SF3A2: variants seen among roughly 807,000 people sequenced by gnomAD.
The protein encoded by SF3A2 is SAP 62.
A neutral mutation model predicts 31.1 loss-of-function variants in SF3A2; 5 were observed. The ratio of observed to expected loss-of-function variants is 0.16; its 90% CI spans 0.08 to 0.34. SF3A2 has a LOEUF of 0.34. Ranked by LOEUF, SF3A2 falls within the 10% of genes least tolerant of loss-of-function variation. The probability of loss-of-function intolerance (pLI) is 1.00; values close to 1 mark genes in which losing one functional copy is unlikely to be tolerated. For missense variants in SF3A2, 577 were observed against 643.9 expected (o/e 0.90, Z 1.13); for synonymous variants, 365 against 263.7 (o/e 1.38, Z -3.72).
Position 2,248,252 on chromosome 19 carries a change from C to T in SF3A2, c.1101C>T (p.Pro367=). 2 of 1,416,288 alleles carry T rather than the reference C, an allele frequency of 1.4e-6. No homozygotes were observed. The highest frequency in any genetic ancestry group is 1.8e-6 in the Non-Finnish European group (2 of 1,082,324). The allele number at this position is 1,416,288 out of a possible 1,614,324, so 87.7% of individuals were successfully genotyped here. Residue 367 remains proline, a synonymous_variant, in exon 9 of 9, where the codon CCC becomes CCT. Transcript: ENST00000221494. ...VHPPAPGVHP[P]PSAGVHPQAP... is the part of the protein sequence containing the mutation. ...CACCAGCCCCAGGGGTCCATCCTCC[C>T]CCATCAGCGGGGGTTCACCCCCAGG...
rs1263745073 is a variant in SF3A2 at position 2,245,557 on chromosome 19, T to C, written c.355+2T>C. 5.2e-6 allele frequency: 8 copies of C among 1,547,316 alleles called. No individual in the cohort carries two copies. In the South Asian group the frequency reaches 9.5e-5, roughly 18 times the overall value. On this transcript the variant is annotated splice_donor_variant, in intron 5 of 8. Transcript: ENST00000221494. LOFTEE classifies it high-confidence loss of function. This position sits in a 1 kb window ranked among gnomAD's most constrained non-coding sequence, Gnocchi z 4.2. ...AGATCGGCCGCCCGGGCTACAAAGG[T>C]GAGTCTGCCCGCAGCGGGGCCGGCC...
rs917620521 is a variant in SF3A2 at position 2,236,877 on chromosome 19, G to C, written c.-62G>C. On this transcript the variant is annotated 5_prime_UTR_variant, in exon 1 of 9. Coordinates refer to ENST00000221494, the MANE Select transcript of SF3A2 (RefSeq NM_007165.5). ...AGTCGTGGAGGTGGCGAAACGAGGA[G>C]GAGATAACGCGGCCTTGGGCTCTGG... The C allele has an allele frequency of 3.3e-5, 5 of 152,308 alleles. No homozygotes were observed. Among genetic ancestry groups the C allele is most frequent in the African/African-American group, 1.2e-4 (5 of 41,426 alleles). 9.4% of individuals were successfully genotyped at this position (152,308 alleles called of 1,614,324 possible).
At position 2,246,784 on chromosome 19, in the gene SF3A2, G is replaced by A. The variant is rs954179091; in HGVS notation, c.387G>A (p.Gln129=). Residue 129 remains glutamine, a synonymous_variant, in exon 6 of 9, where the codon CAG becomes CAA. Transcript: ENST00000221494. This position sits in a 1 kb window ranked among gnomAD's most constrained non-coding sequence, Gnocchi z 5.5. ...VTKQRDSEMG[Q]QSLLFQIDYP... Reference sequence around the variant, plus strand: ...AGCAGAGAGACTCGGAGATGGGCCAGCAGAGCCTCCTCTTCCAGGTGAGAT... The same window carrying A: ...AGCAGAGAGACTCGGAGATGGGCCAACAGAGCCTCCTCTTCCAGGTGAGAT... The A allele has an allele frequency of 1.2e-6, 2 of 1,613,870 alleles. No individual in the cohort carries two copies. Among genetic ancestry groups the A allele is most frequent in the African/African-American group, 2.7e-5 (2 of 74,928 alleles).
Position 2,246,709 on chromosome 19 carries a change from G to A in SF3A2, c.356-44G>A, listed in dbSNP as rs764550512. The A allele has an allele frequency of 1.4e-5, 22 of 1,612,736 alleles. No homozygotes were observed. Among genetic ancestry groups the A allele is most frequent in the Admixed American group, 6.7e-5 (4 of 59,900 alleles). ...AGCCTGCCCCAGGTTCCTCAGCTTC[G>A]GAGAGGACAAGCAGCCGGGACCTGA... On this transcript the variant is annotated intron_variant, in intron 5 of 8. Coordinates refer to ENST00000221494, the MANE Select transcript of SF3A2 (RefSeq NM_007165.5). This position sits in a 1 kb window ranked among gnomAD's most constrained non-coding sequence, Gnocchi z 5.5.
rs748684233 is a variant in SF3A2 at position 2,244,609 on chromosome 19, C to T, written c.192C>T (p.Asn64=). The T allele has an allele frequency of 1.1e-5, 18 of 1,613,944 alleles. No individual in the cohort carries two copies. Among genetic ancestry groups the T allele is most frequent in the Middle Eastern group, 3.3e-4 (2 of 6,084 alleles). Residue 64 remains asparagine, a synonymous_variant, in exon 3 of 9, where the codon AAC becomes AAT. Transcript: ENST00000221494. ...GCAAACTCTGCCTGACACTTCACAACAATGAGGTGCGGCCTCTGCCTGGCT... is the reference window on the plus strand; with the variant it reads ...GCAAACTCTGCCTGACACTTCACAATAATGAGGTGCGGCCTCTGCCTGGCT... ...YECKLCLTLH[N]NEGSYLAHTQ... is the part of the protein sequence containing the mutation.
Position 2,248,122 on chromosome 19 carries a change from C to A in SF3A2, c.971C>A (p.Pro324Gln). ...CATCCCCCAGCCCCTGGGGTCCACC[C>A]ACCAACCTCTGGGGTCCACCCCCCA... Reference protein sequence around the residue: ...GVHPPAPGVHPPTSGVHPPAP... With the variant: ...GVHPPAPGVHQPTSGVHPPAP... The change falls in exon 9 of 9, where the codon CCA becomes CAA. Residue 324 changes from proline to glutamine, a missense_variant. This residue lies in a region of SF3A2 where 462 missense variants were observed against 339.1 expected (regional missense o/e 1.36). Coordinates refer to ENST00000221494, the MANE Select transcript of SF3A2 (RefSeq NM_007165.5). 7.4e-7 allele frequency: 1 copy of A among 1,347,968 alleles called. No individual in the cohort carries two copies. The highest frequency in any genetic ancestry group is 2.4e-5 in the East Asian group (1 of 40,840). The allele number at this position is 1,347,968 out of a possible 1,614,324, so 83.5% of individuals were successfully genotyped here. A position where few individuals can be genotyped will look rare whatever the true frequency, so the allele number is the denominator to read the frequency against.
rs891751872 is a variant in SF3A2 at position 2,245,014 on chromosome 19, A to G, written c.245+235A>G. 1.8e-6 allele frequency: 1 copy of G among 568,784 alleles called. No homozygotes were observed. Among genetic ancestry groups the G allele is most frequent in the Non-Finnish European group, 3.1e-6 (1 of 318,478 alleles). The allele number at this position is 568,784 out of a possible 1,614,324, so 35.2% of individuals were successfully genotyped here. A position where few individuals can be genotyped will look rare whatever the true frequency, so the allele number is the denominator to read the frequency against. On this transcript the variant is annotated intron_variant, in intron 4 of 8. Coordinates refer to ENST00000221494, the MANE Select transcript of SF3A2 (RefSeq NM_007165.5). This position sits in a 1 kb window ranked among gnomAD's most constrained non-coding sequence, Gnocchi z 4.2. ...AGCCTGGCCAACATTGTGAAACTCC[A>G]TCTCTACTAAAAATACAAAAATTAG...
Position 2,243,382 on chromosome 19 carries a change from G to A in SF3A2, c.-37G>A. 1.3e-6 allele frequency: 2 copies of A among 1,495,304 alleles called. No homozygotes were observed. The highest frequency in any genetic ancestry group is 1.8e-6 in the Non-Finnish European group (2 of 1,126,744). The allele number at this position is 1,495,304 out of a possible 1,614,324, so 92.6% of individuals were successfully genotyped here. A position where few individuals can be genotyped will look rare whatever the true frequency, so the allele number is the denominator to read the frequency against. On this transcript the variant is annotated splice_region_variant and 5_prime_UTR_variant, in exon 2 of 9. The change creates a new upstream start codon in the 5' untranslated region. Coordinates refer to ENST00000221494, the MANE Select transcript of SF3A2 (RefSeq NM_007165.5). Reference sequence around the variant, plus strand: ...CTCACTCTCCTCTTGGCCTCCACAGGTGTCTCCCAGTCTGCTAAAGCCCTA... The same window carrying A: ...CTCACTCTCCTCTTGGCCTCCACAGATGTCTCCCAGTCTGCTAAAGCCCTA...
chr19:2,241,764 C>T (rs548203785), intron 1 of SF3A2, among the ~76,000 whole-genome samples: 1 of 152,252 alleles, frequency 6.6e-6, no homozygotes, highest in East Asian at 1.9e-4. Context: ...GTCACAGTCT[C>T]CTTTTTCACA....
rs113747822 is a variant in SF3A2 at position 2,245,187 on chromosome 19, TAAAA to T, written c.246-247_246-244del. On this transcript the variant is annotated intron_variant, in intron 4 of 8. Coordinates refer to ENST00000221494, the MANE Select transcript of SF3A2 (RefSeq NM_007165.5). This position sits in a 1 kb window ranked among gnomAD's most constrained non-coding sequence, Gnocchi z 4.2. ...CGACAGAGTGAGACTCTTGTCTTATTAAAAAAAAAAAAAAAGAGCAGAGGCATGG... is the reference window on the plus strand; with the variant it reads ...CGACAGAGTGAGACTCTTGTCTTATTAAAAAAAAAAAGAGCAGAGGCATGG... 1.7e-5 allele frequency: 7 copies of T among 407,708 alleles called. No individual in the cohort carries two copies. The highest frequency in any genetic ancestry group is 4.7e-5 in the South Asian group (1 of 21,472). The allele number at this position is 407,708 out of a possible 1,614,324, so 25.3% of individuals were successfully genotyped here.
intron 8 of SF3A2, 50 bp from the exon 9 acceptor site, chr19:2,247,717 C>G: frequency 6.2e-7 from 1 of 1,611,076 alleles, no homozygotes. Context: ...GCGGCCCTAG[C>G]CCTGCCCTAG....
At chr19:2,240,907 GCTCCTGAGGCTGAGCTCCGCTC>G (rs2024883370) in intron 1 of SF3A2, among the ~76,000 whole-genome samples, 2 of 152,250 alleles carry the variant, frequency 1.3e-5, no homozygotes, top group South Asian at 4.1e-4. Context: ...AGCGCAGGTC[GCTCCTGAGGCTGAGCTCCGCTC>G]CTCCTGGGCC....
rs1444816635 is a variant in SF3A2, at chr19:2,245,404, G to C, written c.246-42G>C. The C allele has an allele frequency of 1.4e-6, 2 of 1,449,770 alleles. No homozygotes were observed. Among genetic ancestry groups the C allele is most frequent in the Non-Finnish European group, 1.9e-6 (2 of 1,057,414 alleles). The allele number at this position is 1,449,770 out of a possible 1,614,324, so 89.8% of individuals were successfully genotyped here. A position where few individuals can be genotyped will look rare whatever the true frequency, so the allele number is the denominator to read the frequency against. On this transcript the variant is annotated intron_variant, in intron 4 of 8. Coordinates refer to ENST00000221494, the MANE Select transcript of SF3A2 (RefSeq NM_007165.5). This position sits in a 1 kb window ranked among gnomAD's most constrained non-coding sequence, Gnocchi z 4.2. Reference sequence around the variant, plus strand: ...ACCTGGGCCCATGGCTTTGGTGCCTGTGTGTGGAGGGGTCCCAGCAGCACC... The same window carrying C: ...ACCTGGGCCCATGGCTTTGGTGCCTCTGTGTGGAGGGGTCCCAGCAGCACC...
chr19:2,244,710 TG>T (rs779533626), intron 3 of SF3A2, 22 bp from the exon 4 acceptor site: 2 of 1,613,888 alleles, frequency 1.2e-6, no homozygotes, highest in African/African-American at 2.7e-5. Flanking sequence ...CCTCGAGTCA[TG>T]CGTGTTTCCT....
intron 1 of SF3A2, 94 bp from the exon 2 acceptor site, chr19:2,243,288 G>A: frequency 9.4e-7 from 1 of 1,059,202 alleles, no homozygotes; most frequent in East Asian, 2.9e-5. Flanking sequence ...GTGAGGGGCA[G>A]TCTCGAGGGC....
chr19:2,247,677 C>G lies in SF3A2; in HGVS notation c.615+15C>G, dbSNP rs772652513. On this transcript the variant is annotated intron_variant, in intron 8 of 8. Coordinates refer to ENST00000221494, the MANE Select transcript of SF3A2 (RefSeq NM_007165.5). ...AGACCAAGCAGGTGAGTGGCTCGCCCCGAGCCTGGCTCCTTCCCACCCAGC... is the reference window on the plus strand; with the variant it reads ...AGACCAAGCAGGTGAGTGGCTCGCCGCGAGCCTGGCTCCTTCCCACCCAGC... 9.9e-6 allele frequency: 16 copies of G among 1,612,556 alleles called. No individual in the cohort carries two copies. The highest frequency in any genetic ancestry group is 1.4e-5 in the Non-Finnish European group (16 of 1,179,540).
In SF3A2 at chr19:2,247,781, C is replaced by G. The variant is rs1320160786; in HGVS notation, c.630C>G (p.Phe210Leu). 1 of 1,611,572 alleles carries G rather than the reference C, an allele frequency of 6.2e-7. No individual in the cohort carries two copies. The highest frequency in any genetic ancestry group is 2.2e-5 in the East Asian group (1 of 44,880). Reference protein sequence around the residue: ...NRETKQFFLQFHFKMEKPPAP... With the variant: ...NRETKQFFLQLHFKMEKPPAP... ...CGTCTCTCTAGTTCTTCCTCCAGTTCCACTTTAAGATGGAGAAGCCCCCGG... is the reference window on the plus strand; with the variant it reads ...CGTCTCTCTAGTTCTTCCTCCAGTTGCACTTTAAGATGGAGAAGCCCCCGG... Residue 210 changes from phenylalanine (F) to leucine (L), a missense_variant, in exon 9 of 9, where the codon TTC (phenylalanine) becomes TTG (leucine). Physicochemically the swap from Phe to Leu is conservative, Grantham distance 22 (BLOSUM62 0). Transcript: ENST00000221494.
chr19:2,238,073 G>A (rs1223343235), intron 1 of SF3A2, among the ~76,000 whole-genome samples: 2 of 152,138 alleles, frequency 1.3e-5, no homozygotes, highest in African/African-American at 2.4e-5. Flanking sequence ...AGGCTGGAGT[G>A]AGTGCAGTGG....
chr19:2,245,312 C>T lies in SF3A2; in HGVS notation c.246-134C>T, dbSNP rs1313602962. ...TGTCCTCAGCCAAACCCCAGGGCCC[C>T]TCCCAGGCCCCTGGCCCTCCTCATC... On this transcript the variant is annotated intron_variant, in intron 4 of 8. Transcript: ENST00000221494. The surrounding 1 kb of genome is among the most constrained non-coding windows in gnomAD (Gnocchi z 4.2). 9.3e-6 allele frequency: 6 copies of T among 648,240 alleles called. No homozygotes were observed. Among genetic ancestry groups the T allele is most frequent in the Middle Eastern group, 4.2e-4 (1 of 2,402 alleles). The allele number at this position is 648,240 out of a possible 1,614,324, so 40.2% of individuals were successfully genotyped here.
Sources: allele counts gnomAD v4.1 joint callset (sites outside exome capture counted in the v4.1 genomes callset), GRCh38; gene constraint gnomAD v4.1.1; regional missense constraint gnomAD v4.1.1; non-coding constraint Gnocchi (gnomAD v3.1); transcripts MANE v1.5; gene names NCBI Gene and HGNC (gene_info 2026-07-23, HGNC 2026-07-21).